TXNDC11: variants seen among roughly 807,000 people sequenced by gnomAD.
TXNDC11 encodes the protein thioredoxin domain containing 11.
In TXNDC11, 68 loss-of-function variants were observed where a neutral mutation model predicts 78.0. The observed-to-expected ratio is 0.87, with a 90% confidence interval of 0.72 to 1.07. TXNDC11 has a LOEUF of 1.07. Among genes scored for constraint, TXNDC11 ranks in the 50% least tolerant of loss-of-function variants. The probability of loss-of-function intolerance (pLI) is 0.00; values close to 1 mark genes in which losing one functional copy is unlikely to be tolerated. For missense variants in TXNDC11, 1,389 were observed against 1,221.8 expected (o/e 1.14, Z -2.04); for synonymous variants, 571 against 495.2 (o/e 1.15, Z -2.03).
chr16:11,707,258 C>G (rs757391394), intron 5 of TXNDC11, among the ~76,000 whole-genome samples: 2 of 151,684 alleles, frequency 1.3e-5, no homozygotes, highest in Non-Finnish European at 2.9e-5. Context: ...GAAACCCCAT[C>G]TCTACTAAAA....
intron 5 of TXNDC11, among the ~76,000 whole-genome samples, chr16:11,717,839 C>T (rs2051586282): frequency 6.6e-6 from 1 of 151,464 alleles, no homozygotes; most frequent in Non-Finnish European, 1.5e-5. Context: ...AAAAGAAAGG[C>T]TAATACAATA....
chr16:11,692,250 T>A, intron 7 of TXNDC11, 168 bp from the exon 8 acceptor site: 1 of 621,654 alleles, frequency 1.6e-6, no homozygotes, highest in Non-Finnish European at 2.7e-6. Flanking sequence ...TTAAACTACA[T>A]GTCGCTCTGA....
At chr16:11,713,841 A>G (rs1817616377) in intron 5 of TXNDC11, among the ~76,000 whole-genome samples, 1 of 151,918 alleles carries the variant, frequency 6.6e-6, no homozygotes, top group African/African-American at 2.4e-5. Context: ...AACAAATGAA[A>G]TTACCCAAGA....
chr16:11,738,794 G>C (rs1226609514), intron 1 of TXNDC11, among the ~76,000 whole-genome samples: 2 of 152,208 alleles, frequency 1.3e-5, no homozygotes, highest in Non-Finnish European at 2.9e-5. Flanking sequence ...TTGGGAGACA[G>C]AGGCGGGTGG....
At chr16:11,733,881 T>C in intron 3 of TXNDC11, 101 bp downstream of exon 3, 1 of 783,218 alleles carries the variant, frequency 1.3e-6, no homozygotes, top group Non-Finnish European at 2.1e-6. Flanking sequence ...CTGAATTTTC[T>C]ATAGTGAATA....
chr16:11,696,271 G>A (rs1373754394), intron 7 of TXNDC11, among the ~76,000 whole-genome samples: 1 of 152,074 alleles, frequency 6.6e-6, no homozygotes, highest in Non-Finnish European at 1.5e-5. Flanking sequence ...GATCCTGGCT[G>A]CCCCTACAAG....
chr16:11,709,317 A>T (rs1031690925), intron 5 of TXNDC11, among the ~76,000 whole-genome samples: 3 of 150,094 alleles, frequency 2.0e-5, no homozygotes, highest in Non-Finnish European at 4.4e-5. Context: ...CAATGGCGTG[A>T]TCTCAGCTCA....
intron 5 of TXNDC11, among the ~76,000 whole-genome samples, chr16:11,704,376 T>C (rs745852583): frequency 6.6e-6 from 1 of 152,196 alleles, no homozygotes; most frequent in Non-Finnish European, 1.5e-5. Flanking sequence ...GCAGGCAAGA[T>C]CCACTGATGG....
At chr16:11,680,946 C>T (rs886702005) in intron 11 of TXNDC11, among the ~76,000 whole-genome samples, 2 of 152,010 alleles carry the variant, frequency 1.3e-5, no homozygotes, top group African/African-American at 2.4e-5. Flanking sequence ...GTGGGAGGAT[C>T]GCTTGAGGCC....
intron 1 of TXNDC11, among the ~76,000 whole-genome samples, chr16:11,738,017 T>C (rs2052278075): frequency 6.6e-6 from 1 of 152,164 alleles, no homozygotes; most frequent in Non-Finnish European, 1.5e-5. Context: ...ATGTAAATAG[T>C]GAGCATAAGA....
chr16:11,742,688 C>CG lies in TXNDC11; in HGVS notation c.42dup (p.Glu15ArgfsTer95). The CG allele has an allele frequency of 6.8e-7, 1 of 1,477,958 alleles. No individual in the cohort carries two copies. The highest frequency in any genetic ancestry group is 8.9e-7 in the Non-Finnish European group (1 of 1,122,212). 91.6% of individuals were successfully genotyped at this position (1,477,958 alleles called of 1,614,324 possible). A position where few individuals can be genotyped will look rare whatever the true frequency, so the allele number is the denominator to read the frequency against. ...CCCCCTCCCTCGTCCTCGGCGTCCT[C>CG]GCTGCTGCTGCTGCCGCCGCCGCGG... On this transcript the variant is annotated frameshift_variant, in exon 1 of 12. Transcript: ENST00000283033. LOFTEE classifies it high-confidence loss of function.
chr16:11,727,967 G>A (rs138852596), intron 4 of TXNDC11, among the ~76,000 whole-genome samples: 1 of 152,278 alleles, frequency 6.6e-6, no homozygotes, highest in Non-Finnish European at 1.5e-5. Context: ...CATCTAGTGG[G>A]TGGAGGCCAG....
At position 11,691,762 on chromosome 16, in the gene TXNDC11, G is replaced by A. The variant is rs1225868962; in HGVS notation, c.1428C>T (p.Tyr476=). ...CATGATAAAAGGTCTGCTCCTTGAG[G>A]TAGAAAGAATCCAGAGCTGCTGCCA... ...FEMAAALDSF[Y]LKEQTFYHVA... is the part of the protein sequence containing the mutation. The change falls in exon 8 of 12, where the codon TAC becomes TAT. Residue 476 remains tyrosine, a synonymous_variant. Coordinates refer to ENST00000283033, the MANE Select transcript of TXNDC11 (RefSeq NM_015914.7). 4.3e-6 allele frequency: 7 copies of A among 1,614,116 alleles called. No individual in the cohort carries two copies. The Admixed American group carries it at 1.2e-4, about 27-fold the overall frequency.
intron 4 of TXNDC11, among the ~76,000 whole-genome samples, chr16:11,723,088 C>T (rs1313595919): frequency 1.3e-5 from 2 of 151,886 alleles, no homozygotes; most frequent in African/African-American, 4.8e-5. Context: ...AAAACTCTGT[C>T]TCTATTAAAA....
intron 5 of TXNDC11, among the ~76,000 whole-genome samples, chr16:11,713,939 A>C (rs898495629): frequency 1.3e-5 from 2 of 152,032 alleles, no homozygotes; most frequent in African/African-American, 4.8e-5. Flanking sequence ...AGGTCCAAAA[A>C]CCTGAGAAAA....
Position 11,679,624 on chromosome 16 carries a change from G to C in TXNDC11, c.2448C>G (p.Ser816Arg). 6.2e-7 allele frequency: 1 copy of C among 1,614,180 alleles called. No individual in the cohort carries two copies. Among genetic ancestry groups the C allele is most frequent in the Non-Finnish European group, 8.5e-7 (1 of 1,180,032 alleles). Residue 816 changes from serine (S) to arginine (R), a missense_variant, in exon 12 of 12, where the codon AGC becomes AGG. Coordinates refer to ENST00000283033, the MANE Select transcript of TXNDC11 (RefSeq NM_015914.7). The surrounding 1 kb of genome is among the most constrained non-coding windows in gnomAD (Gnocchi z 4.6). Reference protein sequence around the residue: ...EIQKLRAEISSLQRAQVQVES... With the variant: ...EIQKLRAEISRLQRAQVQVES... ...CCACCTGCACTTGTGCTCGCTGGAG[G>C]CTGCTTATTTCTGCTCTCAGTTTCT...
At chr16:11,700,162 G>A (rs890092855) in intron 6 of TXNDC11, among the ~76,000 whole-genome samples, 4 of 152,330 alleles carry the variant, frequency 2.6e-5, no homozygotes, top group Middle Eastern at 3.4e-3. Context: ...CTTCAAGAGA[G>A]TAACTCTGCA....
At chr16:11,689,342 G>A (rs1005954349) in intron 8 of TXNDC11, among the ~76,000 whole-genome samples, 1 of 152,196 alleles carries the variant, frequency 6.6e-6, no homozygotes, top group African/African-American at 2.4e-5. Context: ...AGGAAGTGAA[G>A]AATGTCATGT....
intron 5 of TXNDC11, among the ~76,000 whole-genome samples, chr16:11,714,445 C>G (rs1404735158): frequency 6.6e-6 from 1 of 152,118 alleles, no homozygotes; most frequent in Non-Finnish European, 1.5e-5. Flanking sequence ...CAAGACGATG[C>G]TGGCGAAAAC....
Sources: gnomAD v4.1 joint callset for allele counts (sites outside exome capture counted in the v4.1 genomes callset) on GRCh38, gnomAD v4.1.1 for gene constraint, Gnocchi (gnomAD v3.1) non-coding constraint, MANE v1.5 for transcripts, NCBI Gene and HGNC (gene_info 2026-07-23, HGNC 2026-07-21) for gene names.